Variants in PIK3R3 observed in about 807,000 individuals in gnomAD.
PIK3R3 encodes the protein phosphoinositide-3-kinase regulatory subunit 3.
A neutral mutation model predicts 62.9 loss-of-function variants in PIK3R3; 64 were observed. That is an observed-to-expected ratio of 1.02 (90% CI 0.83 to 1.25). The LOEUF is 1.25. Among genes scored for constraint, PIK3R3 ranks in the 50% most tolerant of loss-of-function variants. The probability of loss-of-function intolerance (pLI) is 0.00; values close to 1 mark genes in which losing one functional copy is unlikely to be tolerated. For synonymous variants in PIK3R3, 165 were observed against 189.0 expected (o/e 0.87, Z 1.04); for missense variants, 614 against 561.6 (o/e 1.09, Z -0.94).
At chr1:46,124,683 C>T (rs1246878731) in intron 1 of PIK3R3, among the ~76,000 whole-genome samples, 1 of 151,432 alleles carries the variant, frequency 6.6e-6, no homozygotes, top group Non-Finnish European at 1.5e-5. Context: ...GTAATCCCAG[C>T]TACTTGGGAG....
rs556346157 is a variant in PIK3R3 at position 46,098,031 on chromosome 1, A to G, written c.107-17281T>C. Among the ~76,000 whole-genome samples, 12 of 152,322 alleles carry G rather than the reference A, an allele frequency of 7.9e-5. No homozygotes were observed. The East Asian group carries it at 2.3e-3, about 29-fold the overall frequency. On this transcript the variant is annotated intron_variant, in intron 1 of 9. Transcript: ENST00000262741. ...TACTCAAAAAACTACTAAAGCTAAT[A>G]AAAGAGTTCAACAAGGTTGCAGAAT... is the stretch of plus-strand genomic sequence containing the variant.
At chr1:46,093,258 T>TA (rs1651809373) in intron 1 of PIK3R3, among the ~76,000 whole-genome samples, 1 of 152,194 alleles carries the variant, frequency 6.6e-6, no homozygotes, top group African/African-American at 2.4e-5. Context: ...GAATTTGCCT[T>TA]TAAGTTTCAT....
chr1:46,065,915 T>G (rs1648943837), intron 5 of PIK3R3, 139 bp downstream of exon 5: 1 of 716,464 alleles, frequency 1.4e-6, no homozygotes, highest in Admixed American at 2.2e-5. Flanking sequence ...GAGGGGAATT[T>G]ATATCATTAA....
intron 1 of PIK3R3, among the ~76,000 whole-genome samples, chr1:46,083,465 C>G (rs1768801): frequency 0.67 from 102,450 of 152,028 alleles, 34,766 homozygotes; most frequent in Non-Finnish European, 0.71. Context: ...CAACCTATAG[C>G]ATGGGAGAAC....
chr1:46,067,946 T>C (rs915960491), intron 3 of PIK3R3, among the ~76,000 whole-genome samples: 3 of 152,204 alleles, frequency 2.0e-5, no homozygotes, highest in Admixed American at 6.5e-5. Context: ...CCACAGCAGG[T>C]TGATTCATAG....
chr1:46,109,639 A>G (rs1170068661), intron 1 of PIK3R3, among the ~76,000 whole-genome samples: 1 of 151,388 alleles, frequency 6.6e-6, no homozygotes, highest in African/African-American at 2.4e-5. Context: ...GCCCGCCAAC[A>G]CCCCCGGCTA....
At position 46,043,890 on chromosome 1, in the gene PIK3R3, G is replaced by T; in HGVS notation, c.1188-19C>A. On this transcript the variant is annotated intron_variant, in intron 9 of 9. Transcript: ENST00000262741. ...ATCGGCCCTGCAATGACAAACCACA[G>T]AAGAAATGTTAAGGTAGGTAACAAT... 6.2e-7 allele frequency: 1 copy of T among 1,600,756 alleles called. No individual in the cohort carries two copies. The highest frequency in any genetic ancestry group is 8.5e-7 in the Non-Finnish European group (1 of 1,170,802).
chr1:46,088,648 G>A (rs557147612), intron 1 of PIK3R3, among the ~76,000 whole-genome samples: 131 of 152,138 alleles, frequency 8.6e-4, no homozygotes, highest in Non-Finnish European at 1.5e-3. Flanking sequence ...AGAATCAGAG[G>A]ATCAACTCAG....
upstream of PIK3R3, among the ~76,000 whole-genome samples, chr1:46,137,379 CA>C (rs1188036168): frequency 1.1e-4 from 17 of 152,180 alleles, no homozygotes; most frequent in African/African-American, 3.9e-4. Flanking sequence ...GGGGGAGCCC[CA>C]AAAACAGTGC....
intron 1 of PIK3R3, among the ~76,000 whole-genome samples, chr1:46,105,929 T>C (rs1170067392): frequency 6.6e-6 from 1 of 152,174 alleles, no homozygotes; most frequent in Admixed American, 6.5e-5. Flanking sequence ...AGATATGGCA[T>C]AAATGAAGAA....
chr1:46,079,905 G>A (rs1178772901), intron 2 of PIK3R3, among the ~76,000 whole-genome samples: 1 of 151,610 alleles, frequency 6.6e-6, no homozygotes, highest in Non-Finnish European at 1.5e-5. Context: ...AGTAAGCTGA[G>A]ATCATGCCAC....
intron 8 of PIK3R3, 24 bp downstream of exon 8, chr1:46,046,527 C>T (rs1220334506): frequency 1.3e-6 from 2 of 1,510,942 alleles, no homozygotes; most frequent in African/African-American, 2.7e-5. Flanking sequence ...AGCCCTCTGA[C>T]AGAAAGGTAT....
chr1:46,167,200 G>A, the PIK3R3 span, among the ~76,000 whole-genome samples: 2 of 152,242 alleles, frequency 1.3e-5, no homozygotes, highest in African/African-American at 4.8e-5. Flanking sequence ...GGTGCGCCTC[G>A]CTTTACGGAA....
chr1:46,070,588 T>C (rs1013913764), intron 3 of PIK3R3, among the ~76,000 whole-genome samples: 13 of 152,196 alleles, frequency 8.5e-5, no homozygotes, highest in Non-Finnish European at 1.5e-5. Context: ...TAAAGGTCAC[T>C]TAAGGTTAGT....
At chr1:46,141,197 T>C in the PIK3R3 span, among the ~76,000 whole-genome samples, 1 of 151,824 alleles carries the variant, frequency 6.6e-6, no homozygotes, top group Non-Finnish European at 1.5e-5. Flanking sequence ...TTGTGGTAAT[T>C]CATTATGGCA....
chr1:46,148,502 C>T, the PIK3R3 span, among the ~76,000 whole-genome samples: 1 of 152,154 alleles, frequency 6.6e-6, no homozygotes, highest in African/African-American at 2.4e-5. Context: ...AGTTGAATCT[C>T]ATCAGCCTAG....
chr1:46,115,610 T>G (rs148204443), intron 1 of PIK3R3, among the ~76,000 whole-genome samples: 3 of 152,214 alleles, frequency 2.0e-5, no homozygotes, highest in African/African-American at 4.8e-5. Flanking sequence ...GTTAGAGAGA[T>G]ATGATAGCAG....
chr1:46,066,969 G>A lies in PIK3R3; in HGVS notation c.437C>T (p.Ala146Val). 1.2e-6 allele frequency: 2 copies of A among 1,613,100 alleles called. No homozygotes were observed. Among genetic ancestry groups the A allele is most frequent in the Non-Finnish European group, 1.7e-6 (2 of 1,179,528 alleles). The change falls in exon 4 of 10, where the codon GCT (alanine) becomes GTT (valine). Residue 146 changes from alanine (A) to valine (V), a missense_variant. Ala to Val is a moderately conservative substitution (Grantham distance 64, BLOSUM62 0). Coordinates refer to ENST00000262741, the MANE Select transcript of PIK3R3 (RefSeq NM_003629.4). ...CACATCAAGTTTGGGATTGTACTGA[G>A]CAAGAGATTCATGGTGATAGTGGTT... ...LINHYHHESL[A>V]QYNPKLDVKL...
intron 1 of PIK3R3, among the ~76,000 whole-genome samples, chr1:46,127,001 T>C (rs1001905808): frequency 2.6e-5 from 4 of 152,114 alleles, no homozygotes; most frequent in African/African-American, 9.7e-5. Context: ...ACAAAACTTT[T>C]CATTTTCTAA....
Sources: allele counts gnomAD v4.1 joint callset (sites outside exome capture counted in the v4.1 genomes callset), GRCh38; gene constraint gnomAD v4.1.1; transcripts MANE v1.5; gene names NCBI Gene and HGNC (gene_info 2026-07-23, HGNC 2026-07-21).